The following YAF2 variants were observed in gnomAD, a reference collection of about 807,000 sequenced individuals.
YAF2 encodes the protein YY1 associated factor 2.
In YAF2, 7 loss-of-function variants were observed where a neutral mutation model predicts 20.1. The ratio of observed to expected loss-of-function variants is 0.35; its 90% CI spans 0.20 to 0.65. The LOEUF (loss-of-function observed/expected upper bound fraction) is 0.65. Ranked by LOEUF, YAF2 falls within the 30% of genes least tolerant of loss-of-function variation. The pLI is 0.69. For missense variants in YAF2, 151 were observed against 219.2 expected (o/e 0.69, Z 1.96); for synonymous variants, 74 against 76.0 (o/e 0.97, Z 0.14).
At chr12:42,227,518 C>T (rs1201708351) in intron 2 of YAF2, among the ~76,000 whole-genome samples, 1 of 146,716 alleles carries the variant, frequency 6.8e-6, no homozygotes, top group Non-Finnish European at 1.5e-5. Context: ...AGGAGCGCCT[C>T]TGCCCTGCCG....
At chr12:42,219,954 A>G (rs1565647567) in intron 2 of YAF2, among the ~76,000 whole-genome samples, 1 of 152,194 alleles carries the variant, frequency 6.6e-6, no homozygotes, top group Non-Finnish European at 1.5e-5. Flanking sequence ...ATTGAAAAAC[A>G]AAGTTCCCTG....
chr12:42,169,375 G>A (rs2065988274), intron 2 of YAF2, among the ~76,000 whole-genome samples: 2 of 151,856 alleles, frequency 1.3e-5, no homozygotes, highest in Admixed American at 1.3e-4. Flanking sequence ...CTTTAATGTT[G>A]AGGTTACTTC....
At chr12:42,222,564 C>T (rs1374226385) in intron 2 of YAF2, among the ~76,000 whole-genome samples, 1 of 152,108 alleles carries the variant, frequency 6.6e-6, no homozygotes, top group East Asian at 1.9e-4. Flanking sequence ...AAGCACTATA[C>T]AAGTGTGCTT....
chr12:42,233,419 A>G (rs903020923), intron 2 of YAF2: 37 of 982,098 alleles, frequency 3.8e-5, no homozygotes, highest in African/African-American at 3.5e-4. Flanking sequence ...TGAAGTACCA[A>G]TAAGACACCA....
intron 2 of YAF2, among the ~76,000 whole-genome samples, chr12:42,183,633 G>A (rs970994650): frequency 3.3e-5 from 5 of 152,206 alleles, no homozygotes; most frequent in African/African-American, 1.2e-4. Flanking sequence ...TGAAAGAGGT[G>A]AGGAAGCTGC....
At chr12:42,185,288 G>A (rs1420076290) in intron 2 of YAF2, among the ~76,000 whole-genome samples, 1 of 152,238 alleles carries the variant, frequency 6.6e-6, no homozygotes, top group Non-Finnish European at 1.5e-5. Context: ...ATGAGGAGTT[G>A]CTTATTACAG....
intron 2 of YAF2, chr12:42,235,771 AAT>A (rs1396212258): frequency 1.3e-6 from 2 of 1,535,616 alleles, no homozygotes; most frequent in African/African-American, 2.7e-5. Flanking sequence ...AAAAAAAAAA[AAT>A]GTCAGGGGCC....
At chr12:42,166,829 TA>T (rs377527943) in intron 2 of YAF2, among the ~76,000 whole-genome samples, 9,845 of 137,562 alleles carry the variant, frequency 0.072, 457 homozygotes, top group East Asian at 0.16. Flanking sequence ...CAATGAAAGT[TA>T]AAAAAAAAAA....
chr12:42,170,920 C>A (rs751155603), intron 2 of YAF2, among the ~76,000 whole-genome samples: 1 of 152,136 alleles, frequency 6.6e-6, no homozygotes. Context: ...CCCTAATATC[C>A]GCTCTAAATG....
In YAF2 at chr12:42,237,580, G is replaced by A. The variant is rs1306631962; in HGVS notation, c.152+19C>T. ...CCACCCCGCCGGCCGGCGGCGCGAG[G>A]GGCAGGCCCGGGACTCACCGGGTGG... On this transcript the variant is annotated intron_variant, in intron 2 of 3. Transcript: ENST00000534854. 6 of 1,506,062 alleles carry A rather than the reference G, an allele frequency of 4.0e-6. No individual in the cohort carries two copies. Among genetic ancestry groups the A allele is most frequent in the East Asian group, 5.4e-5 (2 of 36,746 alleles). The allele number at this position is 1,506,062 out of a possible 1,614,324, so 93.3% of individuals were successfully genotyped here.
chr12:42,181,668 A>C (rs961504999), intron 2 of YAF2, among the ~76,000 whole-genome samples: 10 of 152,358 alleles, frequency 6.6e-5, no homozygotes, highest in South Asian at 4.1e-4. Flanking sequence ...ACTCATAAAA[A>C]TTGTTTTAAC....
At chr12:42,228,018 G>C (rs1343814345) in intron 2 of YAF2, among the ~76,000 whole-genome samples, 2 of 133,498 alleles carry the variant, frequency 1.5e-5, no homozygotes, top group African/African-American at 5.7e-5. Flanking sequence ...CCAGGAGGGA[G>C]GTGGGGGGTC....
intron 2 of YAF2, among the ~76,000 whole-genome samples, chr12:42,185,547 T>C (rs1244270688): frequency 4.6e-5 from 7 of 152,158 alleles, no homozygotes. Flanking sequence ...GAAAACTTTA[T>C]TGTCTTAATT....
chr12:42,234,381 A>C (rs1592072145), intron 2 of YAF2: 1 of 985,348 alleles, frequency 1.0e-6, no homozygotes, highest in African/African-American at 1.7e-5. Context: ...TTTTGGAGTG[A>C]GGGGCTGAAA....
At chr12:42,172,035 T>A (rs751081810) in intron 2 of YAF2, 1 of 152,222 alleles carries the variant, frequency 6.6e-6, no homozygotes, top group African/African-American at 2.4e-5. Flanking sequence ...ATTTCAAACA[T>A]TAATGCTATC....
At chr12:42,165,773 G>GTTTTTT (rs71084620) in intron 2 of YAF2, among the ~76,000 whole-genome samples, 5 of 116,086 alleles carry the variant, frequency 4.3e-5, no homozygotes, top group Admixed American at 9.6e-5. Flanking sequence ...GCCCGGCCAG[G>GTTTTTT]TTTTTTTTTT....
In YAF2 at chr12:42,158,183, T is replaced by C. The variant is rs1042610302; in HGVS notation, c.*2406A>G. ...AAACAAAGGCAGGTTGAGATACCTG[T>C]GATTAATAAAAGTAAAATAATTTCA... On this transcript the variant is annotated 3_prime_UTR_variant, in exon 4 of 4. Transcript: ENST00000534854. 7 of 152,292 alleles carry C rather than the reference T, an allele frequency of 4.6e-5. No homozygotes were observed. Among genetic ancestry groups the C allele is most frequent in the Middle Eastern group, 3.4e-3 (1 of 294 alleles). 9.4% of individuals were successfully genotyped at this position (152,292 alleles called of 1,614,324 possible).
rs551203730 is a variant in YAF2 at position 42,211,928 on chromosome 12, A to T, written c.152+25671T>A. Among the ~76,000 whole-genome samples, 5 of 151,926 alleles carry T rather than the reference A, an allele frequency of 3.3e-5. No homozygotes were observed. The East Asian group carries it at 9.7e-4, about 29-fold the overall frequency. ...GCCGGGTGTAGTGGCAGGTGCCTATAATCCCAGCTACTCAGGAGGCTGAGG... is the reference window on the plus strand; with the variant it reads ...GCCGGGTGTAGTGGCAGGTGCCTATTATCCCAGCTACTCAGGAGGCTGAGG... On this transcript the variant is annotated intron_variant, in intron 2 of 3. Transcript: ENST00000534854.
chr12:42,216,003 T>G (rs2067346804), intron 2 of YAF2, among the ~76,000 whole-genome samples: 2 of 152,050 alleles, frequency 1.3e-5, no homozygotes, highest in Admixed American at 1.3e-4. Flanking sequence ...ACTTACCACT[T>G]AAATTCTTGA....
Sources: gnomAD v4.1 joint callset for allele counts (sites outside exome capture counted in the v4.1 genomes callset) on GRCh38, gnomAD v4.1.1 for gene constraint, MANE v1.5 for transcripts, NCBI Gene and HGNC (gene_info 2026-07-23, HGNC 2026-07-21) for gene names.